The following NOL4L variants were observed in gnomAD, a reference collection of about 807,000 sequenced individuals.
NOL4L encodes nucleolar protein 4 like.
Under a neutral mutation model 64.5 loss-of-function variants are expected in NOL4L, and 7 were observed. The observed-to-expected ratio is 0.11, with a 90% CI of 0.06 to 0.20. NOL4L has a LOEUF of 0.20. NOL4L is among the 10% of genes least tolerant of loss of function. The probability of loss-of-function intolerance (pLI) is 1.00; values close to 1 mark genes in which losing one functional copy is unlikely to be tolerated. For missense variants in NOL4L, 680 were observed against 967.1 expected, an observed-to-expected ratio of 0.70 and a Z score of 3.94; for synonymous variants, 413 against 401.0, an observed-to-expected ratio of 1.03 and a Z score of -0.36.
At position 32,453,349 on chromosome 20, in the gene NOL4L, C is replaced by G; in HGVS notation, c.1452G>C (p.Thr484=). ...FQERARKRIR[T]YLKSCRRMKK... The stretch of plus-strand genomic sequence containing the variant: ...TCATGCGACGGCAGGACTTGAGGTA[C>G]GTGCGGATGCGCTTGCGGGCCCGCT... The change falls in exon 8 of 11, where the codon ACG becomes ACC. Residue 484 remains threonine (T), a synonymous_variant. Transcript: ENST00000621426. This position sits in a 1 kb window ranked among gnomAD's most constrained non-coding sequence, Gnocchi z 5.6. 6.2e-7 allele frequency: 1 copy of G among 1,614,078 alleles called. No homozygotes were observed. Among genetic ancestry groups the G allele is most frequent in the Non-Finnish European group, 8.5e-7 (1 of 1,179,998 alleles).
At chr20:32,536,854 G>T (rs1187050205) in intron 1 of NOL4L, among the ~76,000 whole-genome samples, 4 of 145,552 alleles carry the variant, frequency 2.7e-5, no homozygotes, top group Admixed American at 2.7e-4. Flanking sequence ...GAACGGGGGC[G>T]TTAAAGACAC....
chr20:32,577,379 G>A (rs545367847), intron 1 of NOL4L, among the ~76,000 whole-genome samples: 1 of 152,330 alleles, frequency 6.6e-6, no homozygotes, highest in African/African-American at 2.4e-5. Context: ...CTTGACCTCT[G>A]GGATCTGACA....
intron 3 of NOL4L, among the ~76,000 whole-genome samples, chr20:32,514,276 G>C (rs749703214): frequency 6.6e-6 from 1 of 152,132 alleles, no homozygotes; most frequent in Non-Finnish European, 1.5e-5. Context: ...CGGATCACCC[G>C]AGGTCAGGAG....
In NOL4L at chr20:32,447,616, G is replaced by A. The variant is rs1969107439; in HGVS notation, c.2023C>T (p.Leu675Phe). 2 of 1,603,970 alleles carry A rather than the reference G, an allele frequency of 1.2e-6. No homozygotes were observed. Among genetic ancestry groups the A allele is most frequent in the Non-Finnish European group, 1.7e-6 (2 of 1,179,282 alleles). ...TGGGGTCAGTTCTGCTGTAGGATGA[G>A]GTTTTCCAGTTCATCTGCAGAGCGC... ...LLRSADELEN[L>F]ILQQN is the part of the protein sequence containing the mutation. The change falls in exon 11 of 11, where the codon CTC becomes TTC. Residue 675 changes from leucine (L) to phenylalanine (F), a missense_variant. Physicochemically the swap from Leu to Phe is conservative, Grantham distance 22 (BLOSUM62 0). Coordinates refer to ENST00000621426, the MANE Select transcript of NOL4L (RefSeq NM_001256798.2).
Position 32,464,597 on chromosome 20 carries a change from C to A in NOL4L, c.842-8202G>T, listed in dbSNP as rs1349703360. Among the ~76,000 whole-genome samples, 1 of 152,314 alleles carries A rather than the reference C, an allele frequency of 6.6e-6. No homozygotes were observed. Among genetic ancestry groups the A allele is most frequent in the African/African-American group, 2.4e-5 (1 of 41,560 alleles). ...AGCATGCGCCTCCTCTGCGTGTGCCCCTCAGTGCCCGGGCAGTGGGCGTTC... is the reference window on the plus strand; with the variant it reads ...AGCATGCGCCTCCTCTGCGTGTGCCACTCAGTGCCCGGGCAGTGGGCGTTC... On this transcript the variant is annotated intron_variant, in intron 5 of 10. Coordinates refer to ENST00000621426, the MANE Select transcript of NOL4L (RefSeq NM_001256798.2). The surrounding 1 kb of genome is among the most constrained non-coding windows in gnomAD (Gnocchi z 5.6).
intron 3 of NOL4L, 59 bp downstream of exon 3, chr20:32,520,752 G>T: frequency 1.8e-6 from 2 of 1,085,350 alleles, no homozygotes; most frequent in South Asian, 1.5e-5. Flanking sequence ...GGCGTCTTCA[G>T]GGACAGTCCA....
intron 2 of NOL4L, among the ~76,000 whole-genome samples, chr20:32,525,279 G>A (rs1297022351): frequency 6.6e-6 from 1 of 152,214 alleles, no homozygotes; most frequent in African/African-American, 2.4e-5. Flanking sequence ...CACCGAAGGG[G>A]CCAGGGAAAC....
At chr20:32,564,158 C>A (rs1979274136) in intron 1 of NOL4L, among the ~76,000 whole-genome samples, 1 of 152,244 alleles carries the variant, frequency 6.6e-6, no homozygotes, top group African/African-American at 2.4e-5. Flanking sequence ...GACACATCCA[C>A]ACAGTCTCTG....
intron 10 of NOL4L, chr20:32,449,682 G>T (rs1384449713): frequency 6.6e-6 from 1 of 152,338 alleles, no homozygotes; most frequent in East Asian, 1.9e-4. Flanking sequence ...AGCCAAACAG[G>T]TGACTGACTC....
rs983138779 is a variant in NOL4L at position 32,584,866 on chromosome 20, G to A, written c.25C>T (p.Arg9Cys). The A allele has an allele frequency of 7.3e-7, 1 of 1,361,354 alleles. No homozygotes were observed. The highest frequency in any genetic ancestry group is 2.8e-5 in the Admixed American group (1 of 36,354). 84.3% of individuals were successfully genotyped at this position (1,361,354 alleles called of 1,614,324 possible). A position where few individuals can be genotyped will look rare whatever the true frequency, so the allele number is the denominator to read the frequency against. Residue 9 changes from arginine to cysteine, a missense_variant, in exon 1 of 11, where the codon CGC becomes TGC. Arg to Cys is a radical substitution (Grantham distance 180). Transcript: ENST00000621426. ...CTGCGCTCGCGCTCCCAGCCCCCGC[G>A]CAGCAGCAGCGTCGGCTTCGGCATC... MPKPTLLL[R>C]GGWERERSPG...
chr20:32,483,004 C>T (rs1286712969), intron 4 of NOL4L, among the ~76,000 whole-genome samples: 1 of 151,094 alleles, frequency 6.6e-6, no homozygotes, highest in African/African-American at 2.4e-5. Flanking sequence ...CCAGGACCCG[C>T]GGCGCGCACC....
chr20:32,450,379 T>G (rs1321892568), intron 10 of NOL4L: 1 of 152,254 alleles, frequency 6.6e-6, no homozygotes, highest in Non-Finnish European at 1.5e-5. Context: ...TCAAATGAGG[T>G]ACTAGTGCTC....
chr20:32,552,424 T>C (rs139333832), intron 1 of NOL4L, among the ~76,000 whole-genome samples: 1 of 152,300 alleles, frequency 6.6e-6, no homozygotes, highest in East Asian at 1.9e-4. Flanking sequence ...CGGTAGCTCA[T>C]GCCTATAATC....
At chr20:32,448,273 ACT>A (rs1255416057) in intron 10 of NOL4L, among the ~76,000 whole-genome samples, 5 of 152,010 alleles carry the variant, frequency 3.3e-5, no homozygotes, top group Admixed American at 6.6e-5. Context: ...TGTGCAGGAG[ACT>A]CTGCAGGTAG....
At position 32,445,407 on chromosome 20, in the gene NOL4L, C is replaced by T. The variant is rs568650067; in HGVS notation, c.*2189G>A. On this transcript the variant is annotated 3_prime_UTR_variant, in exon 11 of 11. Transcript: ENST00000621426. Reference sequence around the variant, plus strand: ...ACTGCCTCTGGGAGGAGAAGTGACACGTTAAGTAACTGATACCAGGAATTC... The same window carrying T: ...ACTGCCTCTGGGAGGAGAAGTGACATGTTAAGTAACTGATACCAGGAATTC... The T allele has an allele frequency of 4.6e-5, 7 of 152,120 alleles. No homozygotes were observed. In the East Asian group the frequency reaches 5.8e-4, roughly 13 times the overall value. 9.4% of individuals were successfully genotyped at this position (152,120 alleles called of 1,614,324 possible).
chr20:32,488,898 CTCTCTT>C (rs2016333420), intron 4 of NOL4L, among the ~76,000 whole-genome samples: 1 of 124,678 alleles, frequency 8.0e-6, no homozygotes, highest in African/African-American at 3.0e-5. Flanking sequence ...TTTCTTTCCT[CTCTCTT>C]TCTTTCTTTC....
intron 1 of NOL4L, among the ~76,000 whole-genome samples, chr20:32,532,002 C>A (rs775269579): frequency 2.0e-5 from 3 of 152,114 alleles, no homozygotes; most frequent in Non-Finnish European, 4.4e-5. Context: ...TGTAATTGAC[C>A]AACCCAGATA....
At chr20:32,563,542 A>G (rs1979227055) in intron 1 of NOL4L, among the ~76,000 whole-genome samples, 1 of 152,014 alleles carries the variant, frequency 6.6e-6, no homozygotes, top group Non-Finnish European at 1.5e-5. Flanking sequence ...GGGGTCCCCA[A>G]GGGCCATCAC....
intron 4 of NOL4L, among the ~76,000 whole-genome samples, chr20:32,478,495 CGAT>C (rs1197887018): frequency 6.6e-6 from 1 of 152,158 alleles, no homozygotes; most frequent in Non-Finnish European, 1.5e-5. Context: ...AGTCACCTAA[CGAT>C]GACTGCTTTC....
Sources: gnomAD v4.1 joint callset for allele counts (sites outside exome capture counted in the v4.1 genomes callset) on GRCh38, gnomAD v4.1.1 for gene constraint, Gnocchi (gnomAD v3.1) non-coding constraint, MANE v1.5 for transcripts, NCBI Gene and HGNC (gene_info 2026-07-23, HGNC 2026-07-21) for gene names.